Variants in LRP1B observed in about 807,000 individuals in gnomAD.
LRP1B encodes the protein LDL receptor related protein 1B.
LRP1B carries 217 observed loss-of-function variants against 556.6 expected under a neutral mutation model. The observed-to-expected ratio is 0.39, with a 90% CI of 0.35 to 0.44. The LOEUF is 0.44. LRP1B is among the 20% of genes least tolerant of loss of function. The probability of loss-of-function intolerance (pLI) is 1.00; values close to 1 mark genes in which losing one functional copy is unlikely to be tolerated. For synonymous variants in LRP1B, 2,047 were observed against 1,865.8 expected, an observed-to-expected ratio of 1.10 and a Z score of -2.50; for missense variants, 5,053 against 5,620.8, an observed-to-expected ratio of 0.90 and a Z score of 3.23.
chr2:140,703,111 A>T (rs999726551), intron 37 of LRP1B, among the ~76,000 whole-genome samples: 1 of 152,206 alleles, frequency 6.6e-6, no homozygotes, highest in African/African-American at 2.4e-5. Flanking sequence ...ATTTATGAAT[A>T]TAGACATGAA....
At chr2:141,908,466 A>AAG (rs1454060345) in intron 1 of LRP1B, among the ~76,000 whole-genome samples, 1 of 152,164 alleles carries the variant, frequency 6.6e-6, no homozygotes, top group South Asian at 2.1e-4. Flanking sequence ...TGTGGAAAAA[A>AAG]AAACAGAGAA....
At chr2:141,240,106 G>T (rs2030257) in intron 5 of LRP1B, among the ~76,000 whole-genome samples, 16,755 of 151,998 alleles carry the variant, frequency 0.11, 1,019 homozygotes, top group East Asian at 0.16. Context: ...AGTCCTAAAA[G>T]AAATACACAC....
chr2:141,750,181 T>C (rs1339020078), intron 2 of LRP1B, among the ~76,000 whole-genome samples: 3 of 152,128 alleles, frequency 2.0e-5, no homozygotes, highest in Non-Finnish European at 2.9e-5. Flanking sequence ...TCTCCTTTCA[T>C]GGAATCCCCA....
rs770234410 is a variant in LRP1B, at chr2:141,138,199, G to A, written c.1013+50222C>T. On this transcript the variant is annotated intron_variant, in intron 7 of 90. Coordinates refer to ENST00000389484, the MANE Select transcript of LRP1B (RefSeq NM_018557.3). ...AATCATCTCAATAGACAAAAAAATCGTTTGACAAAATCTAACATCCATTAC... is the reference window on the plus strand; with the variant it reads ...AATCATCTCAATAGACAAAAAAATCATTTGACAAAATCTAACATCCATTAC... Among the ~76,000 whole-genome samples the A allele has an allele frequency of 4.0e-5, 6 of 151,848 alleles. 1 individual carries two copies. In the South Asian group the frequency reaches 6.2e-4, roughly 16 times the overall value.
intron 41 of LRP1B, among the ~76,000 whole-genome samples, chr2:140,646,925 C>CAT (rs1369272967): frequency 6.6e-6 from 1 of 151,716 alleles, no homozygotes; most frequent in East Asian, 1.9e-4. Flanking sequence ...TATTGTATAT[C>CAT]ATATATATAA....
chr2:140,543,418 A>G (rs1680209439), intron 43 of LRP1B, among the ~76,000 whole-genome samples: 1 of 152,060 alleles, frequency 6.6e-6, no homozygotes, highest in African/African-American at 2.4e-5. Context: ...TGATAAAATT[A>G]GGTTTGTCCC....
At position 140,867,575 on chromosome 2, in the gene LRP1B, T is replaced by C. The variant is rs771870710; in HGVS notation, c.4579+15A>G. On this transcript the variant is annotated intron_variant, in intron 27 of 90. Transcript: ENST00000389484. ...ACTTTCTGGGTGGTTAATCCATAAG[T>C]GAACAAGCACTTACCCTGTGGCTGG... is the stretch of plus-strand genomic sequence containing the variant. The C allele has an allele frequency of 6.9e-6, 11 of 1,605,146 alleles. No individual in the cohort carries two copies. Among genetic ancestry groups the C allele is most frequent in the Admixed American group, 1.7e-5 (1 of 58,818 alleles).
At chr2:140,466,208 T>C (rs887825007) in intron 60 of LRP1B, among the ~76,000 whole-genome samples, 4 of 151,674 alleles carry the variant, frequency 2.6e-5, no homozygotes, top group African/African-American at 9.7e-5. Context: ...TTTCGGAATA[T>C]GTGAACACAA....
chr2:141,096,963 A>T (rs1381455737), intron 7 of LRP1B, among the ~76,000 whole-genome samples: 2 of 152,178 alleles, frequency 1.3e-5, no homozygotes, highest in Non-Finnish European at 2.9e-5. Context: ...ATTTCTGTAG[A>T]TTAAACACAT....
chr2:141,630,278 G>A (rs1041278660), intron 2 of LRP1B, among the ~76,000 whole-genome samples: 4 of 152,098 alleles, frequency 2.6e-5, no homozygotes, highest in Non-Finnish European at 5.9e-5. Context: ...AAGGTAAAAA[G>A]AATGAAACAG....
At chr2:141,015,567 C>G in intron 13 of LRP1B, 129 bp downstream of exon 13, 2 of 730,296 alleles carry the variant, frequency 2.7e-6, no homozygotes, top group Non-Finnish European at 4.5e-6. Context: ...CTTCAGCCAC[C>G]CCATGGAGAC....
At chr2:141,897,253 G>T (rs1699481296) in intron 1 of LRP1B, among the ~76,000 whole-genome samples, 1 of 152,074 alleles carries the variant, frequency 6.6e-6, no homozygotes, top group African/African-American at 2.4e-5. Flanking sequence ...AAGAAAAAAT[G>T]TAAAATAAAG....
At chr2:140,673,909 A>C (rs751954627) in intron 41 of LRP1B, among the ~76,000 whole-genome samples, 1 of 151,084 alleles carries the variant, frequency 6.6e-6, no homozygotes, top group African/African-American at 2.4e-5. Context: ...AACCCGCAAC[A>C]TATTTTACCC....
At chr2:140,398,571 G>A (rs1573890804) in intron 66 of LRP1B, among the ~76,000 whole-genome samples, 1 of 151,636 alleles carries the variant, frequency 6.6e-6, no homozygotes, top group East Asian at 1.9e-4. Context: ...CTGTTACCCA[G>A]GCTGGAGTGC....
intron 41 of LRP1B, among the ~76,000 whole-genome samples, chr2:140,618,471 A>G (rs1199762885): frequency 1.3e-5 from 2 of 152,170 alleles, no homozygotes; most frequent in Non-Finnish European, 2.9e-5. Flanking sequence ...GAAAATGGAT[A>G]GAATTGAAAA....
intron 18 of LRP1B, among the ~76,000 whole-genome samples, chr2:140,964,928 T>C (rs1454584222): frequency 1.3e-5 from 2 of 152,034 alleles, no homozygotes; most frequent in Non-Finnish European, 2.9e-5. Context: ...CACTCCAGCC[T>C]GGGTGAAAGA....
At chr2:140,876,744 C>G (rs1336441866) in intron 25 of LRP1B, among the ~76,000 whole-genome samples, 1 of 152,158 alleles carries the variant, frequency 6.6e-6, no homozygotes, top group Non-Finnish European at 1.5e-5. Flanking sequence ...ATAGTCTTAT[C>G]TGAGATTCCT....
chr2:141,782,688 T>C (rs1419556284), intron 2 of LRP1B, among the ~76,000 whole-genome samples: 1 of 151,942 alleles, frequency 6.6e-6, no homozygotes, highest in African/African-American at 2.4e-5. Context: ...CAAGTAAAAT[T>C]ACTAAAAACA....
At chr2:140,672,536 C>G (rs1261706008) in intron 41 of LRP1B, among the ~76,000 whole-genome samples, 4 of 147,338 alleles carry the variant, frequency 2.7e-5, no homozygotes, top group Middle Eastern at 3.3e-3. Flanking sequence ...TTTTGAAATC[C>G]AGCAGAGTAA....
Sources: gnomAD v4.1 joint callset for allele counts (sites outside exome capture counted in the v4.1 genomes callset) on GRCh38, gnomAD v4.1.1 for gene constraint, MANE v1.5 for transcripts, NCBI Gene and HGNC (gene_info 2026-07-23, HGNC 2026-07-21) for gene names.